The following FOXP2 variants were observed in gnomAD, a reference collection of about 807,000 sequenced individuals.
FOXP2 encodes the protein forkhead box P2.
Under a neutral mutation model 115.8 loss-of-function variants are expected in FOXP2, and 12 were observed. The observed-to-expected ratio is 0.10, with a 90% CI of 0.07 to 0.17. The LOEUF is 0.17. Ranked by LOEUF, FOXP2 falls within the 10% of genes least tolerant of loss-of-function variation. The probability of loss-of-function intolerance (pLI) is 1.00; values close to 1 mark genes in which losing one functional copy is unlikely to be tolerated. For synonymous variants in FOXP2, 328 were observed against 297.7 expected, an observed-to-expected ratio of 1.10 and a Z score of -1.05; for missense variants, 629 against 843.5, an observed-to-expected ratio of 0.75 and a Z score of 3.15.
At chr7:114,395,703 T>C (rs1316669265) in intron 2 of FOXP2, among the ~76,000 whole-genome samples, 1 of 152,026 alleles carries the variant, frequency 6.6e-6, no homozygotes, top group African/African-American at 2.4e-5. Context: ...GATTAAAAAT[T>C]TCTGTGAAAA....
intron 1 of FOXP2, chr7:114,288,003 T>C (rs1312720798): frequency 2.3e-6 from 1 of 432,972 alleles, no homozygotes; most frequent in Non-Finnish European, 4.6e-6. Context: ...TGACAATTAT[T>C]TGTCTCTATT....
intron 1 of FOXP2, among the ~76,000 whole-genome samples, chr7:114,227,808 A>G (rs1237031344): frequency 6.6e-6 from 1 of 152,022 alleles, no homozygotes; most frequent in African/African-American, 2.4e-5. Flanking sequence ...AGCAGCGTTA[A>G]TACGTACATG....
intron 3 of FOXP2, among the ~76,000 whole-genome samples, chr7:114,548,301 TA>T (rs1800033337): frequency 2.0e-5 from 3 of 152,214 alleles, no homozygotes; most frequent in African/African-American, 7.2e-5. Context: ...AACAATATCA[TA>T]TGAATACCCA....
chr7:114,139,097 A>T (rs779317650), intron 1 of FOXP2, among the ~76,000 whole-genome samples: 1 of 152,224 alleles, frequency 6.6e-6, no homozygotes, highest in Non-Finnish European at 1.5e-5. Flanking sequence ...ATGTTGAATA[A>T]CAAAAATAGC....
intron 8 of FOXP2, 168 bp downstream of exon 8, chr7:114,644,957 T>A: frequency 7.0e-6 from 4 of 569,632 alleles, no homozygotes; most frequent in Non-Finnish European, 1.2e-5. Flanking sequence ...TCAGGCTTCA[T>A]CTTTTCATTA....
Position 114,642,504 on chromosome 7 carries a change from C to A in FOXP2, c.870C>A (p.Asp290Glu). Residue 290 changes from aspartate (D) to glutamate (E), a missense_variant, in exon 7 of 17, where the codon GAC becomes GAA. This residue lies in a region of FOXP2 where 92 missense variants were observed against 80.1 expected (regional missense o/e 1.15). Coordinates refer to ENST00000350908, the MANE Select transcript of FOXP2 (RefSeq NM_014491.4). ...EDNGIKHGGL[D>E]LTTNNSSSTT... is the part of the protein sequence containing the mutation. ...ATGGCATTAAACATGGAGGGCTAGA[C>A]CTCACTACTAACAATTCCTCCTCGA... 1.2e-6 allele frequency: 2 copies of A among 1,613,708 alleles called. No individual in the cohort carries two copies. The highest frequency in any genetic ancestry group is 1.7e-6 in the Non-Finnish European group (2 of 1,179,890).
At chr7:114,408,691 C>A (rs1262329538) in intron 2 of FOXP2, among the ~76,000 whole-genome samples, 3 of 151,974 alleles carry the variant, frequency 2.0e-5, no homozygotes, top group Non-Finnish European at 4.4e-5. Context: ...TGAGCCATTG[C>A]ACTCCAATCG....
chr7:114,661,853 C>T (rs1029915375), intron 13 of FOXP2: 11 of 536,268 alleles, frequency 2.1e-5, no homozygotes, highest in Non-Finnish European at 3.3e-5. Context: ...ATTAAAATAG[C>T]TTGGAAGGTT....
chr7:114,437,873 T>A (rs1794426205), intron 2 of FOXP2, among the ~76,000 whole-genome samples: 2 of 152,118 alleles, frequency 1.3e-5, no homozygotes, highest in Non-Finnish European at 2.9e-5. Context: ...GTTCAGTTCA[T>A]GGTTATTAAA....
Position 114,691,936 on chromosome 7 carries a change from A to T in FOXP2, c.*2010A>T. On this transcript the variant is annotated 3_prime_UTR_variant, in exon 17 of 17. Transcript: ENST00000350908. ...TGAAAGCTTCTACCTCTGCAAAAAA[A>T]AAAAAAGAAAAAAAAAAAAAGAAAA... 2.5e-6 allele frequency: 1 copy of T among 398,864 alleles called. No homozygotes were observed. The highest frequency in any genetic ancestry group is 4.9e-6 in the Non-Finnish European group (1 of 204,530). The allele number at this position is 398,864 out of a possible 1,614,324, so 24.7% of individuals were successfully genotyped here. A position where few individuals can be genotyped will look rare whatever the true frequency, so the allele number is the denominator to read the frequency against.
At chr7:114,086,521 G>A, upstream of FOXP2, 1 of 389,796 alleles carries the variant, frequency 2.6e-6, no homozygotes, top group Non-Finnish European at 5.1e-6. Context: ...CAGCTGCCCG[G>A]ACTCGCGCGT....
At chr7:114,448,143 T>G (rs1187044532) in intron 2 of FOXP2, among the ~76,000 whole-genome samples, 1 of 152,124 alleles carries the variant, frequency 6.6e-6, no homozygotes, top group Non-Finnish European at 1.5e-5. Flanking sequence ...ATTTTATGAT[T>G]TGTATTTTAG....
chr7:114,166,519 A>G (rs1163219324), intron 1 of FOXP2, among the ~76,000 whole-genome samples: 1 of 152,160 alleles, frequency 6.6e-6, no homozygotes, highest in Non-Finnish European at 1.5e-5. Flanking sequence ...CCTGGCTAAC[A>G]TTGTGAATCC....
At chr7:114,265,360 G>A (rs1200740903) in intron 1 of FOXP2, among the ~76,000 whole-genome samples, 2 of 152,156 alleles carry the variant, frequency 1.3e-5, no homozygotes, top group African/African-American at 4.8e-5. Context: ...AAACCTGAAA[G>A]CTCCAAAATA....
intron 7 of FOXP2, among the ~76,000 whole-genome samples, chr7:114,643,269 CATTTTTTA>C (rs1292219538): frequency 6.6e-6 from 1 of 151,188 alleles, no homozygotes; most frequent in African/African-American, 2.5e-5. Flanking sequence ...TTGCTGAGAA[CATTTTTTA>C]AGCTAAAAAT....
intron 1 of FOXP2, among the ~76,000 whole-genome samples, chr7:114,232,245 A>G (rs1341856696): frequency 1.3e-5 from 2 of 152,198 alleles, no homozygotes; most frequent in Non-Finnish European, 2.9e-5. Flanking sequence ...AGAAATTGGA[A>G]CACTTAGGCA....
At chr7:114,325,144 G>A (rs2049601) in intron 2 of FOXP2, among the ~76,000 whole-genome samples, 145,747 of 151,904 alleles carry the variant, frequency 0.96, 70,086 homozygotes, top group East Asian at 1. Context: ...GGTGCAAATA[G>A]TAGTCTATAA....
chr7:114,318,873 T>C (rs1275013064), intron 2 of FOXP2, among the ~76,000 whole-genome samples: 1 of 152,138 alleles, frequency 6.6e-6, no homozygotes, highest in East Asian at 1.9e-4. Context: ...CCAAATTGAC[T>C]TCTGAAAATA....
At chr7:114,619,533 A>G (rs1192111652) in intron 3 of FOXP2, among the ~76,000 whole-genome samples, 1 of 152,056 alleles carries the variant, frequency 6.6e-6, no homozygotes, top group East Asian at 1.9e-4. Flanking sequence ...TATAACATAT[A>G]TGTTTCATTG....
Sources: gnomAD v4.1 joint callset for allele counts (sites outside exome capture counted in the v4.1 genomes callset) on GRCh38, gnomAD v4.1.1 for gene constraint, gnomAD v4.1.1 regional missense constraint, MANE v1.5 for transcripts, NCBI Gene and HGNC (gene_info 2026-07-23, HGNC 2026-07-21) for gene names.